TGM2: variants seen among roughly 807,000 people sequenced by gnomAD.
TGM2 encodes transglutaminase 2, also known as protein-glutamine gamma-glutamyltransferase 2.
In TGM2, 53 loss-of-function variants were observed where a neutral mutation model predicts 75.6. The observed-to-expected ratio is 0.70, with a 90% CI of 0.56 to 0.88. TGM2 has a LOEUF of 0.88. TGM2 is among the 40% of genes least tolerant of loss of function. The probability of loss-of-function intolerance (pLI) is 0.00; values close to 1 mark genes in which losing one functional copy is unlikely to be tolerated. For missense variants in TGM2, 842 were observed against 928.5 expected, an observed-to-expected ratio of 0.91 and a Z score of 1.21; for synonymous variants, 374 against 381.1, an observed-to-expected ratio of 0.98 and a Z score of 0.22.
At chr20:38,151,855 C>T (rs1225321704) in intron 3 of TGM2, among the ~76,000 whole-genome samples, 1 of 152,168 alleles carries the variant, frequency 6.6e-6, no homozygotes, top group Non-Finnish European at 1.5e-5. Flanking sequence ...ATTTAGTTGT[C>T]TGTGGCCAGT....
intron 10 of TGM2, 180 bp downstream of exon 10, chr20:38,137,933 A>T: frequency 7.3e-7 from 1 of 1,374,008 alleles, no homozygotes; most frequent in Non-Finnish European, 9.6e-7. Flanking sequence ...CCACCCCCTC[A>T]CTCTTGCAAT....
intron 7 of TGM2, 106 bp from the exon 8 acceptor site, chr20:38,141,491 G>A (rs566693102): frequency 3.6e-5 from 31 of 869,012 alleles, no homozygotes; most frequent in South Asian, 1.2e-4. Flanking sequence ...AGCTCGCCTC[G>A]TCCCAAACTG....
chr20:38,165,441 G>C, upstream of TGM2: 1 of 583,282 alleles, frequency 1.7e-6, no homozygotes, highest in Admixed American at 3.3e-5. Context: ...ACGGCGGCCG[G>C]ACGAGGGCGC....
intron 1 of TGM2, among the ~76,000 whole-genome samples, chr20:38,162,268 G>C (rs2075263428): frequency 6.6e-6 from 1 of 152,244 alleles, no homozygotes; most frequent in African/African-American, 2.4e-5. Context: ...AATGTCTGTT[G>C]TGTAATAAAT....
upstream of TGM2, chr20:38,166,278 C>T (rs2075309166): frequency 2.2e-5 from 2 of 90,836 alleles, no homozygotes; most frequent in Admixed American, 2.1e-4. Context: ...TACCCCCCCA[C>T]CTATCCATCC....
At position 38,139,653 on chromosome 20, in the gene TGM2, C is replaced by A. The variant is rs766262809; in HGVS notation, c.1101G>T (p.Gly367=). 2.5e-6 allele frequency: 4 copies of A among 1,613,972 alleles called. No homozygotes were observed. The highest frequency in any genetic ancestry group is 3.4e-6 in the Non-Finnish European group (4 of 1,180,000). ...LDPTPQEKSE[G]TYCCGPVPVR... is the part of the protein sequence containing the mutation. Reference sequence around the variant, plus strand: ...CTGGAACTGGGCCACAGCAGTACGTCCCTGGCAGAGGTAGAAAGGGGAAGG... The same window carrying A: ...CTGGAACTGGGCCACAGCAGTACGTACCTGGCAGAGGTAGAAAGGGGAAGG... The change falls in exon 9 of 13, where the codon GGG becomes GGT. Residue 367 remains glycine (G), a splice_region_variant and synonymous_variant. Transcript: ENST00000361475.
intron 7 of TGM2, 148 bp from the exon 8 acceptor site, chr20:38,141,533 T>C: frequency 1.4e-6 from 1 of 694,916 alleles, no homozygotes; most frequent in Admixed American, 2.1e-5. Flanking sequence ...GCCTTGTTCT[T>C]CCCCCCACGG....
intron 8 of TGM2, among the ~76,000 whole-genome samples, chr20:38,140,947 A>G (rs2074964357): frequency 6.6e-6 from 1 of 152,214 alleles, no homozygotes; most frequent in Non-Finnish European, 1.5e-5. Context: ...ATAAACACAC[A>G]CATATACACC....
At chr20:38,165,028 TG>T (rs2122986127) in intron 1 of TGM2, among the ~76,000 whole-genome samples, 160 bp downstream of exon 1, 1 of 152,290 alleles carries the variant, frequency 6.6e-6, no homozygotes, top group African/African-American at 2.4e-5. Context: ...GCAGTGTGGA[TG>T]GGGAAACTGA....
chr20:38,131,058 C>A lies in TGM2; in HGVS notation c.1913+35G>T, dbSNP rs773114561. 5 of 1,609,134 alleles carry A rather than the reference C, an allele frequency of 3.1e-6. No homozygotes were observed. The South Asian group carries it at 3.3e-5, about 11-fold the overall frequency. The stretch of plus-strand genomic sequence containing the variant: ...ACCCCCACCGGCATCTGCCCGCTTC[C>A]CCCAGGCCCCAAAGCTAGAGCAGCC... On this transcript the variant is annotated intron_variant, in intron 12 of 12. Coordinates refer to ENST00000361475, the MANE Select transcript of TGM2 (RefSeq NM_004613.4).
At chr20:38,156,271 AC>A (rs1041187967) in intron 2 of TGM2, among the ~76,000 whole-genome samples, 182 bp from the exon 3 acceptor site, 11 of 152,244 alleles carry the variant, frequency 7.2e-5, no homozygotes, top group African/African-American at 1.4e-4. Flanking sequence ...GGGGCTCAGA[AC>A]CCCAGCCTTT....
rs868786767 is a variant in TGM2 at position 38,151,216 on chromosome 20, C to T, written c.434-159G>A. The stretch of plus-strand genomic sequence containing the variant: ...AAGTAACCATTAATGAATAATCCCA[C>T]GTCAATGAGATAAGGTGTTATCGGT... On this transcript the variant is annotated intron_variant, in intron 3 of 12. Coordinates refer to ENST00000361475, the MANE Select transcript of TGM2 (RefSeq NM_004613.4). 7.8e-4 allele frequency among the ~76,000 whole-genome samples: 119 copies of T among 152,296 alleles called. 1 individual carries two copies. The highest frequency in any genetic ancestry group is 3.4e-3 in the Middle Eastern group (1 of 294).
At chr20:38,155,497 A>C (rs1334018256) in intron 3 of TGM2, among the ~76,000 whole-genome samples, 1 of 151,946 alleles carries the variant, frequency 6.6e-6, no homozygotes, top group East Asian at 1.9e-4. Context: ...GTGCACTACC[A>C]CACCCAGCTA....
rs967496781 is a variant in TGM2, at chr20:38,127,429, C to T, written c.*2790G>A. On this transcript the variant is annotated 3_prime_UTR_variant, in exon 13 of 13. Transcript: ENST00000361475. ...TTTGATTTATTTTTTATGTGCATGT[C>T]ATGTCTTTCTACATGACTTCCCAAG... 6 of 951,140 alleles carry T rather than the reference C, an allele frequency of 6.3e-6. No homozygotes were observed. In the African/African-American group the frequency reaches 7.1e-5, roughly 11 times the overall value. The allele number at this position is 951,140 out of a possible 1,614,324, so 58.9% of individuals were successfully genotyped here.
chr20:38,146,818 G>C lies in TGM2; in HGVS notation c.758C>G (p.Ser253Cys). ...NNYGDGVSPMSWIGSVDILRR... is the reference protein window; with the variant it reads ...NNYGDGVSPMCWIGSVDILRR... The stretch of plus-strand genomic sequence containing the variant: ...CAGGATGTCCACGCTGCCGATCCAG[G>C]ACATGGGGCTGACGCCGTCCCCGTA... The change falls in exon 6 of 13, where the codon TCC becomes TGC. Residue 253 changes from serine (S) to cysteine (C), a missense_variant. Physicochemically the swap from Ser to Cys is moderately radical, Grantham distance 112. Transcript: ENST00000361475. 6.2e-7 allele frequency: 1 copy of C among 1,614,132 alleles called. No homozygotes were observed. The highest frequency in any genetic ancestry group is 8.5e-7 in the Non-Finnish European group (1 of 1,180,034).
chr20:38,158,077 T>C (rs45494803), intron 2 of TGM2, among the ~76,000 whole-genome samples: 3,192 of 152,322 alleles, frequency 0.021, 105 homozygotes, highest in African/African-American at 0.072. Context: ...AAGGGTGCTC[T>C]TTCCAATCTC....
At chr20:38,132,957 AG>A (rs1354246405) in intron 10 of TGM2, 1 of 431,974 alleles carries the variant, frequency 2.3e-6, no homozygotes, top group Non-Finnish European at 4.7e-6. Context: ...TTGCTGCACC[AG>A]GCACTGCACT....
At chr20:38,168,378 C>A (rs543238854), upstream of TGM2, among the ~76,000 whole-genome samples, 1 of 152,188 alleles carries the variant, frequency 6.6e-6, no homozygotes, top group African/African-American at 2.4e-5. Flanking sequence ...CTTACCTCAC[C>A]GGGGCTGTAA....
intron 2 of TGM2, among the ~76,000 whole-genome samples, chr20:38,157,618 G>A (rs538492308): frequency 2.6e-5 from 4 of 152,242 alleles, no homozygotes; most frequent in Non-Finnish European, 5.9e-5. Flanking sequence ...TCTGTAAAAT[G>A]AGGCCAGTAG....
Sources: gnomAD v4.1 joint callset for allele counts (sites outside exome capture counted in the v4.1 genomes callset) on GRCh38, gnomAD v4.1.1 for gene constraint, MANE v1.5 for transcripts, NCBI Gene and HGNC (gene_info 2026-07-23, HGNC 2026-07-21) for gene names.